NMU: variants seen among roughly 807,000 people sequenced by gnomAD.
NMU encodes the protein neuromedin-U.
In NMU, 29 loss-of-function variants were observed where a neutral mutation model predicts 35.4. That is an observed-to-expected ratio of 0.82 (90% confidence interval 0.61 to 1.12). NMU has a LOEUF of 1.12. NMU is among the 50% of genes most tolerant of loss of function. NMU has a pLI of 0.00. For missense variants in NMU, 199 were observed against 206.2 expected (o/e 0.97, Z 0.21); for synonymous variants, 78 against 81.3 (o/e 0.96, Z 0.22).
At chr4:55,598,544 AAC>A in intron 9 of NMU, among the ~76,000 whole-genome samples, 1 of 152,222 alleles carries the variant, frequency 6.6e-6, no homozygotes. Context: ...ATATTTATTA[AAC>A]ATGTGGGAAC....
chr4:55,632,153 A>C (rs1374959326), intron 1 of NMU, among the ~76,000 whole-genome samples: 1 of 152,006 alleles, frequency 6.6e-6, no homozygotes, highest in Non-Finnish European at 1.5e-5. Flanking sequence ...GGGGACTCGG[A>C]GGTGGAGGCT....
intron 1 of NMU, among the ~76,000 whole-genome samples, chr4:55,633,257 G>A (rs1000283026): frequency 5.3e-5 from 8 of 151,568 alleles, no homozygotes; most frequent in Non-Finnish European, 1.0e-4. Flanking sequence ...CCCGGGAGGC[G>A]GAGCTTGCAG....
chr4:55,617,099 C>A (rs1376040995), intron 2 of NMU, among the ~76,000 whole-genome samples: 2 of 152,046 alleles, frequency 1.3e-5, no homozygotes, highest in African/African-American at 4.8e-5. Flanking sequence ...TAAAATGGAA[C>A]TGGAAAAAAA....
At position 55,619,375 on chromosome 4, in the gene NMU, T is replaced by C. The variant is rs1266066420; in HGVS notation, c.172-2990A>G. Among the ~76,000 whole-genome samples, 1,100 of 131,124 alleles carry C rather than the reference T, an allele frequency of 8.4e-3. 13 individuals carry two copies. Among genetic ancestry groups the C allele is most frequent in the African/African-American group, 0.029 (1,030 of 35,162 alleles). The allele number at this position is 131,124 out of a possible 152,430, so 86.0% of individuals were successfully genotyped here. On this transcript the variant is annotated intron_variant, in intron 2 of 9. Transcript: ENST00000264218. ...TGGGAAGCGCAAGGGGTCAGGGAGT[T>C]CCCTTTCCGAGTCAAAGAAAGGGGT...
rs1259984435 is a variant in NMU, at chr4:55,636,056, G to A, written c.112+25C>T. ...AGAGAGAGGCGCGCATGGCGTGGAA[G>A]CGGCCGGGTGCGGGGCCGTCTTACC... On this transcript the variant is annotated intron_variant, in intron 1 of 9. Transcript: ENST00000264218. The surrounding 1 kb of genome is among the most constrained non-coding windows in gnomAD (Gnocchi z 4.0). 1.3e-6 allele frequency: 2 copies of A among 1,531,822 alleles called. No individual in the cohort carries two copies. The highest frequency in any genetic ancestry group is 2.0e-5 in the Admixed American group (1 of 50,908). 94.9% of individuals were successfully genotyped at this position (1,531,822 alleles called of 1,614,324 possible). A position where few individuals can be genotyped will look rare whatever the true frequency, so the allele number is the denominator to read the frequency against.
At chr4:55,624,101 A>C (rs1734421886) in intron 2 of NMU, among the ~76,000 whole-genome samples, 1 of 149,924 alleles carries the variant, frequency 6.7e-6, no homozygotes, top group African/African-American at 2.5e-5. Context: ...TTCAGGACAT[A>C]GGCATGGGCA....
intron 9 of NMU, among the ~76,000 whole-genome samples, chr4:55,598,089 GTTTTTTTTTT>G (rs10588154): frequency 1.2e-5 from 1 of 85,394 alleles, no homozygotes; most frequent in Non-Finnish European, 2.2e-5. Context: ...TTTGGTTGTG[GTTTTTTTTTT>G]TTTTTTTTTT....
intron 7 of NMU, among the ~76,000 whole-genome samples, chr4:55,601,114 T>C (rs1733407712): frequency 6.6e-6 from 1 of 152,132 alleles, no homozygotes; most frequent in African/African-American, 2.4e-5. Context: ...TATAATTATA[T>C]GTGCAGAATG....
intron 2 of NMU, among the ~76,000 whole-genome samples, chr4:55,618,126 T>C (rs546865137): frequency 1.3e-5 from 2 of 152,334 alleles, no homozygotes; most frequent in African/African-American, 4.8e-5. Flanking sequence ...TAAATCTCAT[T>C]GAAAATGTTT....
At chr4:55,612,503 C>T (rs1733972431) in intron 3 of NMU, among the ~76,000 whole-genome samples, 1 of 152,066 alleles carries the variant, frequency 6.6e-6, no homozygotes, top group African/African-American at 2.4e-5. Context: ...AAATGTATTT[C>T]ACCTCAAAGA....
Position 55,607,431 on chromosome 4 carries a change from T to C in NMU, c.309+6A>G. The C allele has an allele frequency of 2.7e-6, 3 of 1,092,028 alleles. No homozygotes were observed. The African/African-American group carries it at 4.7e-5, about 17-fold the overall frequency. The allele number at this position is 1,092,028 out of a possible 1,614,324, so 67.6% of individuals were successfully genotyped here. On this transcript the variant is annotated splice_donor_region_variant and intron_variant, in intron 5 of 9. Transcript: ENST00000264218. The stretch of plus-strand genomic sequence containing the variant: ...ATAAGGTATAGATGTATGAAAATCA[T>C]CTTACCCTTTTAGTATTATCTTTTT...
At chr4:55,633,464 C>G (rs1715728505) in intron 1 of NMU, among the ~76,000 whole-genome samples, 1 of 151,828 alleles carries the variant, frequency 6.6e-6, no homozygotes, top group African/African-American at 2.4e-5. Flanking sequence ...GGACTTCATA[C>G]TGTCAAAGAG....
chr4:55,598,369 A>G lies in NMU; in HGVS notation c.*4+773T>C, dbSNP rs946848273. Among the ~76,000 whole-genome samples the G allele has an allele frequency of 2.0e-5, 3 of 152,166 alleles. No homozygotes were observed. In the East Asian group the frequency reaches 5.8e-4, roughly 29 times the overall value. ...ATTACAGGCATGAGCCACTATGCCC[A>G]GTCTAAAATGAATGATATATTTGAA... On this transcript the variant is annotated intron_variant, in intron 9 of 9. Transcript: ENST00000264218.
intron 3 of NMU, among the ~76,000 whole-genome samples, chr4:55,615,837 GT>G (rs1734093737): frequency 6.6e-6 from 1 of 152,046 alleles, no homozygotes; most frequent in Non-Finnish European, 1.5e-5. Context: ...TTGTGTCCAT[GT>G]GTTCTCGTCA....
At chr4:55,607,257 A>G in intron 6 of NMU, 41 bp downstream of exon 6, 1 of 1,438,024 alleles carries the variant, frequency 7.0e-7, no homozygotes, top group Non-Finnish European at 9.8e-7. Context: ...ATTCTTTTAA[A>G]CAAATATTAG....
chr4:55,611,875 C>T (rs1733947445), intron 3 of NMU, among the ~76,000 whole-genome samples: 1 of 152,136 alleles, frequency 6.6e-6, no homozygotes, highest in Non-Finnish European at 1.5e-5. Flanking sequence ...CATGACTATA[C>T]GTAATTTGTA....
chr4:55,599,349 A>G (rs753796547), intron 8 of NMU, among the ~76,000 whole-genome samples, 168 bp from the exon 9 acceptor site: 1 of 152,182 alleles, frequency 6.6e-6, no homozygotes, highest in Non-Finnish European at 1.5e-5. Flanking sequence ...CTGATTTAGT[A>G]AGTCTGAGAA....
At chr4:55,599,035 T>A (rs2110179761) in intron 9 of NMU, 107 bp downstream of exon 9, 1 of 725,550 alleles carries the variant, frequency 1.4e-6, no homozygotes. Context: ...ACATTTAACA[T>A]AGTTTAATTT....
intron 3 of NMU, among the ~76,000 whole-genome samples, chr4:55,611,090 G>A (rs1210691414): frequency 2.6e-5 from 4 of 152,078 alleles, no homozygotes; most frequent in African/African-American, 4.8e-5. Context: ...GGCCAGGAAC[G>A]GTGGCTCATG....
Sources: allele counts gnomAD v4.1 joint callset (sites outside exome capture counted in the v4.1 genomes callset), GRCh38; gene constraint gnomAD v4.1.1; non-coding constraint Gnocchi (gnomAD v3.1); transcripts MANE v1.5; gene names NCBI Gene and HGNC (gene_info 2026-07-23, HGNC 2026-07-21).